The following ANKRD18B variants were observed in gnomAD, a reference collection of about 807,000 sequenced individuals.
ANKRD18B encodes ankyrin repeat domain-containing protein 18B.
A neutral mutation model predicts 111.8 loss-of-function variants in ANKRD18B; 75 were observed. That is an observed-to-expected ratio of 0.67 (90% confidence interval 0.56 to 0.81). ANKRD18B has a LOEUF of 0.81. ANKRD18B is among the 40% of genes least tolerant of loss of function. The probability of loss-of-function intolerance (pLI) is 0.00; values close to 1 mark genes in which losing one functional copy is unlikely to be tolerated. For synonymous variants in ANKRD18B, 356 were observed against 417.3 expected (o/e 0.85, Z 1.79); for missense variants, 1,038 against 1,225.5 (o/e 0.85, Z 2.28).
intron 11 of ANKRD18B, among the ~76,000 whole-genome samples, chr9:33,549,067 T>TG (rs965048224): frequency 4.6e-5 from 7 of 152,180 alleles, no homozygotes; most frequent in African/African-American, 1.7e-4. Flanking sequence ...AAGCGGGTCG[T>TG]GACTGCTAAT....
chr9:33,554,028 C>T (rs1452363630), intron 12 of ANKRD18B, among the ~76,000 whole-genome samples: 1 of 150,424 alleles, frequency 6.6e-6, no homozygotes, highest in African/African-American at 2.4e-5. Flanking sequence ...GCCGACATGG[C>T]ACCACTGCAC....
intron 9 of ANKRD18B, 32 bp from the exon 10 acceptor site, chr9:33,543,153 C>A (rs1378127685): frequency 5.3e-6 from 8 of 1,514,622 alleles, no homozygotes; most frequent in Non-Finnish European, 7.1e-6. Context: ...TTAAGTCATT[C>A]ATTTTAACTA....
rs200903845 is a variant in ANKRD18B at position 33,572,572 on chromosome 9, T to G, written c.*138T>G. The G allele has an allele frequency of 0.2, 246,782 of 1,259,994 alleles. 25,569 individuals carry two copies. Among genetic ancestry groups the G allele is most frequent in the Admixed American group, 0.22 (5,753 of 26,630 alleles). 78.1% of individuals were successfully genotyped at this position (1,259,994 alleles called of 1,614,324 possible). ...TATATTTATATGTTATTTTAAATGATTTTTTTAGCCTCCTTAAGTTTTAAG... is the reference window on the plus strand; with the variant it reads ...TATATTTATATGTTATTTTAAATGAGTTTTTTAGCCTCCTTAAGTTTTAAG... On this transcript the variant is annotated 3_prime_UTR_variant, in exon 19 of 19. Coordinates refer to ENST00000684830, the MANE Select transcript of ANKRD18B (RefSeq NM_001393611.1).
At chr9:33,575,416 C>T (rs1727522150), downstream of ANKRD18B, among the ~76,000 whole-genome samples, 1 of 152,220 alleles carries the variant, frequency 6.6e-6, no homozygotes, top group Non-Finnish European at 1.5e-5. Context: ...GGAAGTCATT[C>T]TCAAAGGGGA....
At chr9:33,553,508 C>A (rs1828477386) in intron 12 of ANKRD18B, among the ~76,000 whole-genome samples, 1 of 152,154 alleles carries the variant, frequency 6.6e-6, no homozygotes, top group Admixed American at 6.5e-5. Context: ...TAGCCTCTAA[C>A]TTCTCCAGAA....
Position 33,524,682 on chromosome 9 carries a change from G to T in ANKRD18B, c.193G>T (p.Asp65Tyr). ...TRRFRDLDVRDRKDRTVLHLA... is the reference protein window; with the variant it reads ...TRRFRDLDVRYRKDRTVLHLA... ...CAGGTTCCGGGACTTGGACGTCCGC[G>T]ACAGAAAAGACAGGTAGCGGGGGCT... The change falls in exon 1 of 19, where the codon GAC becomes TAC. Residue 65 changes from aspartate (D) to tyrosine (Y), a missense_variant. This residue lies in a region of ANKRD18B where 216 missense variants were observed against 205.1 expected (regional missense o/e 1.05). Coordinates refer to ENST00000684830, the MANE Select transcript of ANKRD18B (RefSeq NM_001393611.1). The T allele has an allele frequency of 6.5e-7, 1 of 1,549,846 alleles. No homozygotes were observed. Among genetic ancestry groups the T allele is most frequent in the East Asian group, 2.4e-5 (1 of 40,884 alleles).
chr9:33,551,451 T>C (rs1828445224), intron 12 of ANKRD18B, among the ~76,000 whole-genome samples: 1 of 152,206 alleles, frequency 6.6e-6, no homozygotes, highest in African/African-American at 2.4e-5. Context: ...ACCATCCACT[T>C]TTGTCTCCAT....
chr9:33,527,503 G>T (rs1266872223), intron 1 of ANKRD18B, among the ~76,000 whole-genome samples: 2 of 152,142 alleles, frequency 1.3e-5, no homozygotes, highest in African/African-American at 2.4e-5. Flanking sequence ...TGTAGTTTTA[G>T]TAGAGACAGA....
intron 12 of ANKRD18B, among the ~76,000 whole-genome samples, chr9:33,552,582 A>G (rs487595): frequency 2.6e-5 from 4 of 152,318 alleles, no homozygotes; most frequent in East Asian, 1.9e-4. Context: ...TAGTACATAC[A>G]TGACTGTTGC....
chr9:33,534,739 T>A (rs1253166404), intron 5 of ANKRD18B, among the ~76,000 whole-genome samples: 1 of 152,152 alleles, frequency 6.6e-6, no homozygotes, highest in Non-Finnish European at 1.5e-5. Context: ...CCTAGGAATG[T>A]CAGTGTTGTT....
chr9:33,528,840 A>T lies in ANKRD18B; in HGVS notation c.320A>T (p.Lys107Met), dbSNP rs780633442. 10 of 1,602,224 alleles carry T rather than the reference A, an allele frequency of 6.2e-6. No individual in the cohort carries two copies. The Admixed American group carries it at 1.7e-4, about 28-fold the overall frequency. Residue 107 changes from lysine to methionine, a missense_variant and splice_region_variant, in exon 2 of 19, where the codon AAG becomes ATG. By Grantham distance (95) the Lys-to-Met change is moderately conservative (BLOSUM62 -1). Transcript: ENST00000684830. ...AGACTAAACAGGACACCTTTAATGA[A>T]GGTATATAGTAGCCAACTCAGCATG... ...CDRLNRTPLMKAVHCQEEACA... is the reference protein window; with the variant it reads ...CDRLNRTPLMMAVHCQEEACA...
intron 12 of ANKRD18B, among the ~76,000 whole-genome samples, chr9:33,553,400 A>T (rs1435209347): frequency 6.6e-6 from 1 of 152,138 alleles, no homozygotes; most frequent in African/African-American, 2.4e-5. Context: ...TTCCCATAGA[A>T]TTGAGTTAGA....
chr9:33,548,827 A>ATTTCCT lies in ANKRD18B; in HGVS notation c.2039_2040insTTTCCT (p.Gln680delinsHisPheLeu). 6.7e-7 allele frequency: 1 copy of ATTTCCT among 1,497,328 alleles called. No individual in the cohort carries two copies. The allele number at this position is 1,497,328 out of a possible 1,614,324, so 92.8% of individuals were successfully genotyped here. A position where few individuals can be genotyped will look rare whatever the true frequency, so the allele number is the denominator to read the frequency against. On this transcript the variant is annotated protein_altering_variant, in exon 11 of 19. Coordinates refer to ENST00000684830, the MANE Select transcript of ANKRD18B (RefSeq NM_001393611.1). ...AATTATTTAAAAGAAAAACTGCTTC[A>ATTTCCT]GTATGAAAAAGAAAAAGCAGAAAGA...
chr9:33,555,945 T>C (rs1406711102), intron 13 of ANKRD18B, 125 bp downstream of exon 13: 4 of 701,514 alleles, frequency 5.7e-6, no homozygotes, highest in Non-Finnish European at 8.2e-6. Flanking sequence ...ATGAATTCTG[T>C]TTTAAAATAT....
At chr9:33,553,624 A>G (rs1828479144) in intron 12 of ANKRD18B, among the ~76,000 whole-genome samples, 1 of 152,220 alleles carries the variant, frequency 6.6e-6, no homozygotes. Context: ...GGAGATCTCT[A>G]CTTGACTGGA....
downstream of ANKRD18B, among the ~76,000 whole-genome samples, chr9:33,574,953 T>TG (rs1384341276): frequency 1.3e-5 from 2 of 152,112 alleles, no homozygotes; most frequent in African/African-American, 4.8e-5. Context: ...TGAGTGGCTC[T>TG]GCGTGAAGGA....
intron 14 of ANKRD18B, among the ~76,000 whole-genome samples, chr9:33,563,747 A>G (rs536869352): frequency 6.6e-6 from 1 of 151,132 alleles, no homozygotes; most frequent in East Asian, 1.9e-4. Context: ...CATATTTACT[A>G]CTTCTTACTA....
At chr9:33,546,775 T>C (rs1417431798) in intron 10 of ANKRD18B, among the ~76,000 whole-genome samples, 2 of 152,164 alleles carry the variant, frequency 1.3e-5, no homozygotes, top group Non-Finnish European at 2.9e-5. Context: ...GGTGAGTTAC[T>C]TAATATTTCT....
intron 14 of ANKRD18B, among the ~76,000 whole-genome samples, chr9:33,564,394 T>G (rs1828654898): frequency 6.6e-6 from 1 of 152,194 alleles, no homozygotes; most frequent in Non-Finnish European, 1.5e-5. Context: ...TTTTATATGG[T>G]GAGTATTCCA....
Sources: gnomAD v4.1 joint callset for allele counts (sites outside exome capture counted in the v4.1 genomes callset) on GRCh38, gnomAD v4.1.1 for gene constraint, gnomAD v4.1.1 regional missense constraint, MANE v1.5 for transcripts, NCBI Gene and HGNC (gene_info 2026-07-23, HGNC 2026-07-21) for gene names.